The following DMTN variants were observed in gnomAD, a reference collection of about 807,000 sequenced individuals.
DMTN encodes the protein dematin.
A neutral mutation model predicts 59.4 loss-of-function variants in DMTN; 27 were observed. The observed-to-expected ratio is 0.45, with a 90% CI of 0.33 to 0.63. DMTN has a LOEUF of 0.63. DMTN is among the 20% of genes least tolerant of loss of function. DMTN has a pLI of 0.02. For missense variants in DMTN, 451 were observed against 528.9 expected (o/e 0.85, Z 1.45); for synonymous variants, 221 against 203.7 (o/e 1.08, Z -0.72).
chr8:22,054,105 CACACACACACACACACACAG>C (rs1801691378), upstream of DMTN, among the ~76,000 whole-genome samples: 2 of 144,996 alleles, frequency 1.4e-5, no homozygotes. Flanking sequence ...ACCACCAATA[CACACACACACACACACACAG>C]ACACACACAC....
At chr8:22,076,293 A>G (rs1819738282) in intron 10 of DMTN, among the ~76,000 whole-genome samples, 1 of 151,688 alleles carries the variant, frequency 6.6e-6, no homozygotes, top group South Asian at 2.1e-4. Flanking sequence ...GTACAGAGAG[A>G]GGAGGGAAGG....
At chr8:22,066,675 C>CGGCG in intron 1 of DMTN, 30 bp from the exon 2 acceptor site, 2 of 462,710 alleles carry the variant, frequency 4.3e-6, no homozygotes, top group Non-Finnish European at 6.8e-6. Context: ...AACGCCGCCC[C>CGGCG]GGCGCGGCCT....
rs1175743497 is a variant in DMTN at position 22,061,749 on chromosome 8, A to ATTTT, written c.-172+4631_-172+4634dup. ...AGATCTGCAGAGAACCTTAATTCTCATTTTTTTTTTTTTTTTTTTTTGGAG... is the reference window on the plus strand; with the variant it reads ...AGATCTGCAGAGAACCTTAATTCTCATTTTTTTTTTTTTTTTTTTTTTTTTGGAG... On this transcript the variant is annotated intron_variant, in intron 1 of 15. Transcript: ENST00000358242. 4.5e-4 allele frequency among the ~76,000 whole-genome samples: 54 copies of ATTTT among 119,722 alleles called. 2 individuals are homozygous for ATTTT. Among genetic ancestry groups the ATTTT allele is most frequent in the African/African-American group, 1.7e-3 (49 of 29,080 alleles). The allele number at this position is 119,722 out of a possible 152,430, so 78.5% of individuals were successfully genotyped here.
At chr8:22,076,888 A>G (rs1449442372) in intron 10 of DMTN, among the ~76,000 whole-genome samples, 4 of 152,130 alleles carry the variant, frequency 2.6e-5, no homozygotes, top group Non-Finnish European at 1.5e-5. Context: ...ACTTGGATCC[A>G]GGGGCAGGCC....
In DMTN at chr8:22,073,780, A is replaced by T; in HGVS notation, c.780A>T (p.Ser260=). ...KMILKEEMEK[S]LPIRRKTRSL... ...TCTTGAAAGAAGAGATGGAAAAGTC[A>T]TTGCCGATCCGAAGGAAAACCCGCT... is the stretch of plus-strand genomic sequence containing the variant. Residue 260 remains serine (S), a synonymous_variant, in exon 10 of 16, where the codon TCA becomes TCT. Coordinates refer to ENST00000358242, the MANE Select transcript of DMTN (RefSeq NM_001387751.1). 6.2e-7 allele frequency: 1 copy of T among 1,614,110 alleles called. No homozygotes were observed. Among genetic ancestry groups the T allele is most frequent in the Non-Finnish European group, 8.5e-7 (1 of 1,180,026 alleles).
In DMTN at chr8:22,081,457, C is replaced by T; in HGVS notation, c.1212C>T (p.Leu404=). The part of the protein sequence containing the change: ...KRNELKKKAS[L]F Reference sequence around the variant, plus strand: ...ATGAGCTCAAGAAGAAGGCCTCTCTCTTCTGATGGCCCCCACCTGCTCCGG... The same window carrying T: ...ATGAGCTCAAGAAGAAGGCCTCTCTTTTCTGATGGCCCCCACCTGCTCCGG... The change falls in exon 16 of 16, where the codon CTC becomes CTT. Residue 404 remains leucine, a synonymous_variant. Transcript: ENST00000358242. The T allele has an allele frequency of 6.8e-6, 11 of 1,614,058 alleles. No individual in the cohort carries two copies. The highest frequency in any genetic ancestry group is 9.3e-6 in the Non-Finnish European group (11 of 1,179,924).
Position 22,069,426 on chromosome 8 carries a change from C to T in DMTN, c.302C>T (p.Ala101Val), listed in dbSNP as rs539385159. 13 of 1,612,366 alleles carry T rather than the reference C, an allele frequency of 8.1e-6. No homozygotes were observed. The highest frequency in any genetic ancestry group is 1.7e-4 in the Middle Eastern group (1 of 6,050). Residue 101 changes from alanine to valine, a missense_variant, in exon 6 of 16, where the codon GCG becomes GTG. Physicochemically the swap from Ala to Val is moderately conservative, Grantham distance 64. Coordinates refer to ENST00000358242, the MANE Select transcript of DMTN (RefSeq NM_001387751.1). Reference sequence around the variant, plus strand: ...CACGCTTCTGCTCTGCAGGTGTGGGCGGACAGCCGGTCGCCTGGAATCATC... The same window carrying T: ...CACGCTTCTGCTCTGCAGGTGTGGGTGGACAGCCGGTCGCCTGGAATCATC... ...TSPPPSPEVW[A>V]DSRSPGIISQ... is the part of the protein sequence containing the mutation.
Position 22,058,950 on chromosome 8 carries a change from C to T in DMTN, c.-172+1814C>T, listed in dbSNP as rs1804314575. ...GGGTGCGGGGAGCAAGGTGCCCTAC[C>T]CCACCCACATCACACGCATGCACAG... On this transcript the variant is annotated intron_variant, in intron 1 of 15. Transcript: ENST00000358242. The surrounding 1 kb of genome is among the most constrained non-coding windows in gnomAD (Gnocchi z 4.3). Among the ~76,000 whole-genome samples, 1 of 152,166 alleles carries T rather than the reference C, an allele frequency of 6.6e-6. No individual in the cohort carries two copies. Among genetic ancestry groups the T allele is most frequent in the Non-Finnish European group, 1.5e-5 (1 of 68,022 alleles).
At chr8:22,051,385 C>T (rs528243817), upstream of DMTN, among the ~76,000 whole-genome samples, 4 of 152,212 alleles carry the variant, frequency 2.6e-5, no homozygotes, top group Non-Finnish European at 5.9e-5. Context: ...TTAGGCCACA[C>T]AAACTGGTTC....
upstream of DMTN, among the ~76,000 whole-genome samples, chr8:22,054,103 T>TACACACACACACAC (rs71916677): frequency 4.0e-5 from 6 of 148,430 alleles, 1 homozygote; most frequent in Non-Finnish European, 7.5e-5. Context: ...CCACCACCAA[T>TACACACACACACAC]ACACACACAC....
intron 14 of DMTN, 21 bp from the exon 15 acceptor site, chr8:22,081,092 T>TGGGGC: frequency 6.5e-7 from 1 of 1,547,312 alleles, no homozygotes; most frequent in Non-Finnish European, 8.9e-7. Flanking sequence ...AGCCTAAGAT[T>TGGGGC]GCCCCTCCCC....
At chr8:22,075,506 G>A (rs913349730) in intron 10 of DMTN, among the ~76,000 whole-genome samples, 1 of 131,004 alleles carries the variant, frequency 7.6e-6, no homozygotes, top group East Asian at 2.3e-4. Flanking sequence ...ATGCCACCAT[G>A]CCCAGCTAAA....
chr8:22,068,202 C>T (rs960868641), intron 4 of DMTN, among the ~76,000 whole-genome samples: 3 of 152,180 alleles, frequency 2.0e-5, no homozygotes, highest in African/African-American at 7.2e-5. Flanking sequence ...GTGATAAACC[C>T]CGACCTCATC....
At chr8:22,061,360 C>T (rs1385131254) in intron 1 of DMTN, among the ~76,000 whole-genome samples, 1 of 151,830 alleles carries the variant, frequency 6.6e-6, no homozygotes, top group African/African-American at 2.4e-5. Flanking sequence ...GTAACACAGA[C>T]GTTCTATAAA....
Position 22,080,803 on chromosome 8 carries a change from A to G in DMTN, c.958-2A>G. ...GGCTCACTGCGGCTTTGGTCTCCCC[A>G]GAACGGAGAGGGCCAGAGGGGGAGG... On this transcript the variant is annotated splice_acceptor_variant, in intron 13 of 15. Coordinates refer to ENST00000358242, the MANE Select transcript of DMTN (RefSeq NM_001387751.1). LOFTEE classifies it high-confidence loss of function. The G allele has an allele frequency of 6.2e-7, 1 of 1,607,120 alleles. No homozygotes were observed. The highest frequency in any genetic ancestry group is 8.5e-7 in the Non-Finnish European group (1 of 1,176,300).
In DMTN at chr8:22,066,862, G is replaced by C; in HGVS notation, c.-14G>C. ...GGGCTCTGCGAGTGACCCGGCGGGC[G>C]AGCTCCGTGCTGCATGGAACGGCTG... On this transcript the variant is annotated 5_prime_UTR_variant, in exon 2 of 16. Coordinates refer to ENST00000358242, the MANE Select transcript of DMTN (RefSeq NM_001387751.1). 7.1e-7 allele frequency: 1 copy of C among 1,408,978 alleles called. No individual in the cohort carries two copies. The highest frequency in any genetic ancestry group is 9.3e-7 in the Non-Finnish European group (1 of 1,078,624). The allele number at this position is 1,408,978 out of a possible 1,614,324, so 87.3% of individuals were successfully genotyped here.
intron 10 of DMTN, among the ~76,000 whole-genome samples, chr8:22,079,464 T>TAAAC (rs1425851484): frequency 2.0e-5 from 3 of 150,800 alleles, no homozygotes; most frequent in East Asian, 3.9e-4. Context: ...AATAAATAAA[T>TAAAC]AAACAAACAA....
intron 4 of DMTN, among the ~76,000 whole-genome samples, chr8:22,068,200 C>T (rs924115799): frequency 6.6e-6 from 1 of 152,032 alleles, no homozygotes; most frequent in Admixed American, 6.5e-5. Context: ...GCGTGATAAA[C>T]CCCGACCTCA....
chr8:22,067,818 C>G (rs1812038029), intron 4 of DMTN, 136 bp downstream of exon 4: 3 of 1,049,078 alleles, frequency 2.9e-6, no homozygotes, highest in Non-Finnish European at 4.1e-6. Context: ...GCGCAGGAAC[C>G]AACCAGTCAG....
Sources: allele counts gnomAD v4.1 joint callset (sites outside exome capture counted in the v4.1 genomes callset), GRCh38; gene constraint gnomAD v4.1.1; non-coding constraint Gnocchi (gnomAD v3.1); transcripts MANE v1.5; gene names NCBI Gene and HGNC (gene_info 2026-07-23, HGNC 2026-07-21).